The following GRK3 variants were observed in gnomAD, a reference collection of about 807,000 sequenced individuals.
GRK3 encodes G protein-coupled receptor kinase 3.
GRK3 carries 54 observed loss-of-function variants against 95.7 expected under a neutral mutation model. The observed-to-expected ratio is 0.56, with a 90% CI of 0.45 to 0.71. The LOEUF is 0.71. Among genes scored for constraint, GRK3 ranks in the 30% least tolerant of loss-of-function variants. The pLI, the probability that GRK3 is intolerant of heterozygous loss-of-function variation, is 0.00. For synonymous variants in GRK3, 281 were observed against 290.8 expected, an observed-to-expected ratio of 0.97 and a Z score of 0.34; for missense variants, 649 against 851.2, an observed-to-expected ratio of 0.76 and a Z score of 2.96.
intron 3 of GRK3, among the ~76,000 whole-genome samples, chr22:25,658,975 ATAGT>A (rs1397790344): frequency 1.3e-5 from 2 of 152,270 alleles, no homozygotes; most frequent in East Asian, 3.9e-4. Context: ...TGTCAAATAG[ATAGT>A]TAGATATTTA....
At chr22:25,576,596 G>A (rs560140154) in intron 1 of GRK3, among the ~76,000 whole-genome samples, 2 of 152,304 alleles carry the variant, frequency 1.3e-5, no homozygotes, top group African/African-American at 4.8e-5. Flanking sequence ...TATTTTAGAA[G>A]AAGGAAATTC....
At chr22:25,611,485 G>A (rs150861213) in intron 2 of GRK3, among the ~76,000 whole-genome samples, 1 of 152,196 alleles carries the variant, frequency 6.6e-6, no homozygotes, top group Non-Finnish European at 1.5e-5. Context: ...ACCAATACTT[G>A]TTGTTACCCG....
intron 1 of GRK3, among the ~76,000 whole-genome samples, chr22:25,598,253 GA>G (rs2084385592): frequency 6.6e-6 from 1 of 151,666 alleles, no homozygotes; most frequent in South Asian, 2.1e-4. Context: ...AACCCCTAAG[GA>G]AAAAAAGAAA....
intron 1 of GRK3, among the ~76,000 whole-genome samples, chr22:25,570,264 G>A (rs756118800): frequency 1.3e-4 from 20 of 152,082 alleles, no homozygotes; most frequent in Admixed American, 3.3e-4. Context: ...CACAAGTCAT[G>A]CAATCTTGCT....
chr22:25,641,304 C>T lies in GRK3; in HGVS notation c.191-3288C>T, dbSNP rs117240568. 4.2e-3 allele frequency among the ~76,000 whole-genome samples: 634 copies of T among 152,244 alleles called. 16 individuals are homozygous for T. Among genetic ancestry groups the T allele is most frequent in the East Asian group, 0.02 (102 of 5,178 alleles). On this transcript the variant is annotated intron_variant, in intron 2 of 20. Transcript: ENST00000324198. The stretch of plus-strand genomic sequence containing the variant: ...ATTCAACTCCCTCTTTCCCTCATCC[C>T]TCCTCTTTCTGTCCTCTTCCTTCCT...
At chr22:25,583,273 A>G (rs1026698707) in intron 1 of GRK3, among the ~76,000 whole-genome samples, 12 of 152,140 alleles carry the variant, frequency 7.9e-5, no homozygotes, top group African/African-American at 2.9e-4. Flanking sequence ...CATAGGTGGT[A>G]ATTTAGGAAT....
At chr22:25,707,159 A>G (rs1044303976) in intron 15 of GRK3, among the ~76,000 whole-genome samples, 16 of 152,138 alleles carry the variant, frequency 1.1e-4, no homozygotes, top group African/African-American at 3.4e-4. Context: ...CTTTCCTGCC[A>G]TTTTAGTGGT....
At chr22:25,605,151 G>T (rs2084435413) in intron 2 of GRK3, among the ~76,000 whole-genome samples, 2 of 152,206 alleles carry the variant, frequency 1.3e-5, no homozygotes, top group African/African-American at 4.8e-5. Flanking sequence ...TCTGTGAAGA[G>T]GTTCTTTGGT....
intron 1 of GRK3, among the ~76,000 whole-genome samples, chr22:25,585,223 A>C (rs1932259539): frequency 6.6e-6 from 1 of 152,276 alleles, no homozygotes; most frequent in East Asian, 1.9e-4. Flanking sequence ...AGTTCCTTTT[A>C]AGGAAGTGAA....
intron 1 of GRK3, among the ~76,000 whole-genome samples, chr22:25,570,941 C>G (rs113082816): frequency 1.3e-5 from 2 of 152,266 alleles, no homozygotes; most frequent in African/African-American, 4.8e-5. Flanking sequence ...TATTTGAATA[C>G]TTTCTATGTA....
chr22:25,676,339 G>A (rs984020962), intron 8 of GRK3, among the ~76,000 whole-genome samples: 1 of 152,156 alleles, frequency 6.6e-6, no homozygotes, highest in Admixed American at 6.5e-5. Flanking sequence ...ATTAATTTCT[G>A]CTAGTTTTGC....
chr22:25,659,821 A>C (rs1387777007), intron 3 of GRK3, among the ~76,000 whole-genome samples: 3 of 152,200 alleles, frequency 2.0e-5, no homozygotes, highest in African/African-American at 7.2e-5. Context: ...CAAGGCTCTT[A>C]GTCAAGACAG....
At position 25,618,331 on chromosome 22, in the gene GRK3, C is replaced by T. The variant is rs1427750464; in HGVS notation, c.190+13878C>T. Among the ~76,000 whole-genome samples, 2 of 152,220 alleles carry T rather than the reference C, an allele frequency of 1.3e-5. 1 individual carries two copies. Among genetic ancestry groups the T allele is most frequent in the East Asian group, 3.8e-4 (2 of 5,196 alleles). Reference sequence around the variant, plus strand: ...TTTTGAGGAGTTGACTTATTTATATCACAGTGAAATGTCTTTTATCCTGGC... The same window carrying T: ...TTTTGAGGAGTTGACTTATTTATATTACAGTGAAATGTCTTTTATCCTGGC... On this transcript the variant is annotated intron_variant, in intron 2 of 20. Coordinates refer to ENST00000324198, the MANE Select transcript of GRK3 (RefSeq NM_005160.4).
chr22:25,674,675 C>T, intron 8 of GRK3, 147 bp downstream of exon 8: 2 of 661,954 alleles, frequency 3.0e-6, no homozygotes, highest in South Asian at 2.0e-5. Flanking sequence ...GTAGGCCGGG[C>T]GTGGTGGCTC....
intron 12 of GRK3, among the ~76,000 whole-genome samples, chr22:25,692,640 G>A (rs2085174029): frequency 1.3e-5 from 2 of 152,154 alleles, no homozygotes; most frequent in Admixed American, 1.3e-4. Flanking sequence ...GCTGTTCCAG[G>A]CTTGCATATG....
intron 2 of GRK3, among the ~76,000 whole-genome samples, chr22:25,623,582 A>T (rs141367989): frequency 1.3e-5 from 2 of 152,206 alleles, no homozygotes; most frequent in East Asian, 3.8e-4. Flanking sequence ...CAAATACCTC[A>T]CTAATTATCT....
chr22:25,672,009 A>C (rs1029536122), intron 6 of GRK3, among the ~76,000 whole-genome samples: 7 of 152,266 alleles, frequency 4.6e-5, no homozygotes, highest in African/African-American at 1.4e-4. Context: ...TATTAAAATT[A>C]CATTATATAT....
chr22:25,629,278 G>C (rs888768365), intron 2 of GRK3, among the ~76,000 whole-genome samples: 1 of 152,172 alleles, frequency 6.6e-6, no homozygotes, highest in African/African-American at 2.4e-5. Context: ...TTGTGAGAAA[G>C]GGGCTAGACA....
Position 25,564,945 on chromosome 22 carries a change from G to GCC in GRK3, c.-90_-89dup, listed in dbSNP as rs955105384. 1 of 214,558 alleles carries GCC rather than the reference G, an allele frequency of 4.7e-6. No individual in the cohort carries two copies. The highest frequency in any genetic ancestry group is 2.4e-5 in the African/African-American group (1 of 41,326). 13.3% of individuals were successfully genotyped at this position (214,558 alleles called of 1,614,324 possible). A position where few individuals can be genotyped will look rare whatever the true frequency, so the allele number is the denominator to read the frequency against. On this transcript the variant is annotated 5_prime_UTR_variant, in exon 1 of 21. Coordinates refer to ENST00000324198, the MANE Select transcript of GRK3 (RefSeq NM_005160.4). ...CGGAGGGGGGGGCTGCCCCGGGGCG[G>GCC]CCCCCCCAGGTCGGGGCGCGGCGGG...
Sources: gnomAD v4.1 joint callset for allele counts (sites outside exome capture counted in the v4.1 genomes callset) on GRCh38, gnomAD v4.1.1 for gene constraint, MANE v1.5 for transcripts, NCBI Gene and HGNC (gene_info 2026-07-23, HGNC 2026-07-21) for gene names.